USP6: variants seen among roughly 807,000 people sequenced by gnomAD.
USP6 encodes ubiquitin specific peptidase 6, also known as ubiquitin carboxyl-terminal hydrolase 6.
USP6 carries 128 observed loss-of-function variants against 175.7 expected under a neutral mutation model. That is an observed-to-expected ratio of 0.73 (90% CI 0.63 to 0.84). The LOEUF (loss-of-function observed/expected upper bound fraction) is 0.84. USP6 is among the 40% of genes least tolerant of loss of function. USP6 has a pLI of 0.00. For synonymous variants in USP6, 562 were observed against 630.6 expected (o/e 0.89, Z 1.63); for missense variants, 1,498 against 1,760.3 (o/e 0.85, Z 2.67).
chr17:5,124,047 G>A (rs1438038893), intron 4 of USP6, among the ~76,000 whole-genome samples: 2 of 152,168 alleles, frequency 1.3e-5, no homozygotes, highest in Non-Finnish European at 2.9e-5. Context: ...ACCAGGACAC[G>A]GAGTCACACT....
chr17:5,132,349 C>T lies in USP6; in HGVS notation c.156-47C>T, dbSNP rs1427365985. On this transcript the variant is annotated intron_variant, in intron 11 of 37. Transcript: ENST00000574788. The surrounding 1 kb of genome is among the most constrained non-coding windows in gnomAD (Gnocchi z 4.7). ...GGGGTCGGCTCCCAGGCTTGGGCGG[C>T]TCCAGGCCCTGTGCACGTCCTCAGC... The T allele has an allele frequency of 1.2e-6, 2 of 1,612,132 alleles. No homozygotes were observed. Among genetic ancestry groups the T allele is most frequent in the Non-Finnish European group, 1.7e-6 (2 of 1,179,856 alleles).
chr17:5,128,552 G>A (rs2072962293), intron 7 of USP6: 1 of 152,458 alleles, frequency 6.6e-6, no homozygotes, highest in Non-Finnish European at 1.5e-5. Context: ...GGGTGACAGT[G>A]ATGAGGAACT....
At position 5,172,974 on chromosome 17, in the gene USP6, A is replaced by G; in HGVS notation, c.4217A>G (p.Gln1406Arg). 2.5e-6 allele frequency: 4 copies of G among 1,613,766 alleles called. No individual in the cohort carries two copies. Among genetic ancestry groups the G allele is most frequent in the Non-Finnish European group, 3.4e-6 (4 of 1,179,666 alleles). ...ESDYEKYSMLQ is the reference protein window; with the variant it reads ...ESDYEKYSMLR Reference sequence around the variant, plus strand: ...GATTACGAAAAGTACTCTATGTTACAGTAAAGCTACCACTCTGGCTGCTAG... The same window carrying G: ...GATTACGAAAAGTACTCTATGTTACGGTAAAGCTACCACTCTGGCTGCTAG... The change falls in exon 38 of 38, where the codon CAG becomes CGG. Residue 1406 changes from glutamine to arginine, a missense_variant. Physicochemically the swap from Gln to Arg is conservative, Grantham distance 43. Coordinates refer to ENST00000574788, the MANE Select transcript of USP6 (RefSeq NM_001304284.2).
In USP6 at chr17:5,138,227, C is replaced by T. The variant is rs145687068; in HGVS notation, c.1032C>T (p.Ala344=). ...NDDTVLKHLR[A]STKKLTRKQG... is the part of the protein sequence containing the mutation. Reference sequence around the variant, plus strand: ...ACACCGTGCTCAAGCATCTTAGGGCCTCTACGAAGAAACTAACAAGGAAGC... The same window carrying T: ...ACACCGTGCTCAAGCATCTTAGGGCTTCTACGAAGAAACTAACAAGGAAGC... Residue 344 remains alanine, a synonymous_variant, in exon 21 of 38, where the codon GCC becomes GCT. Transcript: ENST00000574788. 8.6e-5 allele frequency: 138 copies of T among 1,613,934 alleles called. No individual in the cohort carries two copies. Among genetic ancestry groups the T allele is most frequent in the Admixed American group, 1.7e-4 (10 of 60,002 alleles).
At chr17:5,119,627 A>G (rs1342071306) in intron 2 of USP6, among the ~76,000 whole-genome samples, 1 of 152,180 alleles carries the variant, frequency 6.6e-6, no homozygotes. Flanking sequence ...CTCTTCCCAA[A>G]TAGACTTCAT....
rs1305382973 is a variant in USP6 at position 5,132,500 on chromosome 17, G to A, written c.195+65G>A. ...AGGGACTGGGCGGGTGGTCAGTGAG[G>A]CAGAGGAAGCAGCTGGCCTGGGCGG... On this transcript the variant is annotated intron_variant, in intron 12 of 37. Coordinates refer to ENST00000574788, the MANE Select transcript of USP6 (RefSeq NM_001304284.2). The surrounding 1 kb of genome is among the most constrained non-coding windows in gnomAD (Gnocchi z 4.7). The A allele has an allele frequency of 1.2e-6, 2 of 1,611,646 alleles. No individual in the cohort carries two copies. The highest frequency in any genetic ancestry group is 1.7e-6 in the Non-Finnish European group (2 of 1,179,568).
chr17:5,150,375 A>G (rs536776445), intron 30 of USP6, among the ~76,000 whole-genome samples: 2 of 151,680 alleles, frequency 1.3e-5, no homozygotes, highest in East Asian at 3.9e-4. Context: ...AGATCAAGTA[A>G]ATTGATTGTA....
Position 5,168,827 on chromosome 17 carries a change from G to A in USP6, c.3289G>A (p.Val1097Ile). The change falls in exon 35 of 38, where the codon GTC becomes ATC. Residue 1097 changes from valine to isoleucine, a missense_variant. Coordinates refer to ENST00000574788, the MANE Select transcript of USP6 (RefSeq NM_001304284.2). ...NDQWIKSQKI[V>I]RFLRESFDPS... Reference sequence around the variant, plus strand: ...TCAGTGGATAAAATCACAGAAAATTGTCAGATTTCTTCGGGAAAGTTTTGA... The same window carrying A: ...TCAGTGGATAAAATCACAGAAAATTATCAGATTTCTTCGGGAAAGTTTTGA... 3 of 1,610,880 alleles carry A rather than the reference G, an allele frequency of 1.9e-6. No individual in the cohort carries two copies. The highest frequency in any genetic ancestry group is 2.5e-6 in the Non-Finnish European group (3 of 1,178,870).
intron 17 of USP6, 87 bp from the exon 18 acceptor site, chr17:5,136,553 G>A: frequency 1.3e-6 from 2 of 1,515,028 alleles, no homozygotes; most frequent in South Asian, 1.1e-5. Context: ...GGGTTTGGGG[G>A]CCTCTGCAGC....
At chr17:5,125,359 C>T (rs2072851717) in intron 5 of USP6, 87 bp downstream of exon 5, 1 of 152,128 alleles carries the variant, frequency 6.6e-6, no homozygotes, top group Non-Finnish European at 1.5e-5. Flanking sequence ...CTTGAATCAT[C>T]TCCATATCAT....
chr17:5,139,053 C>T lies in USP6; in HGVS notation c.1079-202C>T, dbSNP rs762105094. ...TGGGGGCAGTCCCAGGAGCCACCCACCATGCCCCAACGGCTTCCCCATGCC... is the reference window on the plus strand; with the variant it reads ...TGGGGGCAGTCCCAGGAGCCACCCATCATGCCCCAACGGCTTCCCCATGCC... On this transcript the variant is annotated intron_variant, in intron 21 of 37. Coordinates refer to ENST00000574788, the MANE Select transcript of USP6 (RefSeq NM_001304284.2). 4.4e-6 allele frequency: 7 copies of T among 1,586,192 alleles called. No individual in the cohort carries two copies. The African/African-American group carries it at 5.4e-5, about 12-fold the overall frequency.
chr17:5,132,799 G>A lies in USP6; in HGVS notation c.196-111G>A. 7.5e-7 allele frequency: 1 copy of A among 1,334,860 alleles called. No homozygotes were observed. Among genetic ancestry groups the A allele is most frequent in the African/African-American group, 1.4e-5 (1 of 69,290 alleles). 82.7% of individuals were successfully genotyped at this position (1,334,860 alleles called of 1,614,324 possible). Reference sequence around the variant, plus strand: ...CAGCCCTTAGGGTCTGCCCTTCCCTGGCTCCTTCCAGTTGGGTCCCACCAG... The same window carrying A: ...CAGCCCTTAGGGTCTGCCCTTCCCTAGCTCCTTCCAGTTGGGTCCCACCAG... On this transcript the variant is annotated intron_variant, in intron 12 of 37. Transcript: ENST00000574788. This position sits in a 1 kb window ranked among gnomAD's most constrained non-coding sequence, Gnocchi z 4.7.
At position 5,121,387 on chromosome 17, in the gene USP6, A is replaced by T. The variant is rs2072660322; in HGVS notation, c.-1662A>T. The stretch of plus-strand genomic sequence containing the variant: ...CTCTGCCTTCCAGAGAGAGGGGCTG[A>T]ACTGCGAGGTGGCCACCAACACAGA... On this transcript the variant is annotated 5_prime_UTR_variant, in exon 4 of 38. Coordinates refer to ENST00000574788, the MANE Select transcript of USP6 (RefSeq NM_001304284.2). 2 of 336,510 alleles carry T rather than the reference A, an allele frequency of 5.9e-6. No homozygotes were observed. The highest frequency in any genetic ancestry group is 4.1e-5 in the Admixed American group (1 of 24,198). 20.8% of individuals were successfully genotyped at this position (336,510 alleles called of 1,614,324 possible).
chr17:5,164,751 G>C (rs1238310060), intron 33 of USP6, among the ~76,000 whole-genome samples: 1 of 152,244 alleles, frequency 6.6e-6, no homozygotes, highest in Non-Finnish European at 1.5e-5. Context: ...GTTTCTGCAT[G>C]TGCTTAGAAA....
chr17:5,173,741 A>C lies in USP6; in HGVS notation c.*763A>C, dbSNP rs1393022645. 1 of 218,548 alleles carries C rather than the reference A, an allele frequency of 4.6e-6. No individual in the cohort carries two copies. The highest frequency in any genetic ancestry group is 6.7e-5 in the East Asian group (1 of 14,902). 13.5% of individuals were successfully genotyped at this position (218,548 alleles called of 1,614,324 possible). A position where few individuals can be genotyped will look rare whatever the true frequency, so the allele number is the denominator to read the frequency against. On this transcript the variant is annotated 3_prime_UTR_variant, in exon 38 of 38. Transcript: ENST00000574788. ...AGGCATCTTACATTTAGGCTACTTC[A>C]AGTATCCTCAGAAATGTATTCTGCA...
In USP6 at chr17:5,171,633, A is replaced by G. The variant is rs773526080; in HGVS notation, c.4001A>G (p.Lys1334Arg). ...LSGGHYITYA[K>R]NPNCKWYCYN... ...GGGGGCCATTACATCACTTATGCCA[A>G]AAACCCAAACTGCAAGTGGTACTGT... is the stretch of plus-strand genomic sequence containing the variant. The change falls in exon 37 of 38, where the codon AAA becomes AGA. Residue 1334 changes from lysine to arginine, a missense_variant. Around this residue, in one of 2 missense-constraint regions of USP6, gnomAD observed 1,217 missense variants for 1,500.8 expected, o/e 0.81. Coordinates refer to ENST00000574788, the MANE Select transcript of USP6 (RefSeq NM_001304284.2). 1.2e-6 allele frequency: 2 copies of G among 1,613,886 alleles called. No individual in the cohort carries two copies. Among genetic ancestry groups the G allele is most frequent in the Non-Finnish European group, 1.7e-6 (2 of 1,179,814 alleles).
chr17:5,169,490 C>T (rs553268374), intron 35 of USP6, among the ~76,000 whole-genome samples: 1 of 152,108 alleles, frequency 6.6e-6, no homozygotes, highest in African/African-American at 2.4e-5. Context: ...GGCTGGAGTG[C>T]AGTGGTGCAA....
At position 5,132,970 on chromosome 17, in the gene USP6, A is replaced by T; in HGVS notation, c.256A>T (p.Thr86Ser). ...GATGGAAATGCTGGGAGAATGGGAG[A>T]CATATAAGCACAGTAGCAAAGTAAT... ...KWMEMLGEWE[T>S]YKHSSKLIDR... The change falls in exon 13 of 38, where the codon ACA becomes TCA. Residue 86 changes from threonine to serine, a missense_variant. By Grantham distance (58) the Thr-to-Ser change is moderately conservative. Transcript: ENST00000574788. The surrounding 1 kb of genome is among the most constrained non-coding windows in gnomAD (Gnocchi z 4.7). 6.2e-7 allele frequency: 1 copy of T among 1,614,094 alleles called. No individual in the cohort carries two copies. Among genetic ancestry groups the T allele is most frequent in the Non-Finnish European group, 8.5e-7 (1 of 1,179,984 alleles).
chr17:5,134,814 C>G (rs1473699642), intron 15 of USP6: 3 of 306,798 alleles, frequency 9.8e-6, no homozygotes, highest in Non-Finnish European at 1.9e-5. Context: ...GAGCAGCAGT[C>G]TGGGTGGCCA....
Sources: gnomAD v4.1 joint callset for allele counts (sites outside exome capture counted in the v4.1 genomes callset) on GRCh38, gnomAD v4.1.1 for gene constraint, gnomAD v4.1.1 regional missense constraint, Gnocchi (gnomAD v3.1) non-coding constraint, MANE v1.5 for transcripts, NCBI Gene and HGNC (gene_info 2026-07-23, HGNC 2026-07-21) for gene names.